Variants in CSGALNACT1 observed in about 807,000 individuals in gnomAD.
The protein encoded by CSGALNACT1 is chondroitin sulfate N-acetylgalactosaminyltransferase 1.
In CSGALNACT1, 52 loss-of-function variants were observed where a neutral mutation model predicts 51.0. The observed-to-expected ratio is 1.02, with a 90% CI of 0.82 to 1.29. CSGALNACT1 has a LOEUF of 1.29. Ranked by LOEUF, CSGALNACT1 falls within the 50% of genes most tolerant of loss-of-function variation. CSGALNACT1 has a pLI of 0.00. For synonymous variants in CSGALNACT1, 341 were observed against 254.4 expected (o/e 1.34, Z -3.24); for missense variants, 935 against 679.2 (o/e 1.38, Z -4.19).
intron 1 of CSGALNACT1, among the ~76,000 whole-genome samples, chr8:19,715,149 A>G (rs2062732227): frequency 6.6e-6 from 1 of 152,182 alleles, no homozygotes; most frequent in African/African-American, 2.4e-5. Flanking sequence ...GGAAGATGCA[A>G]AAGTGGAAAC....
At chr8:19,755,456 C>CAAAAAACAAAAAAAAAAA (rs2065299633) in intron 1 of CSGALNACT1, among the ~76,000 whole-genome samples, 1 of 74,534 alleles carries the variant, frequency 1.3e-5, no homozygotes, top group Non-Finnish European at 2.5e-5. Flanking sequence ...TAAAGAAAGA[C>CAAAAAACAAAAAAAAAAA]AAAAAAAAAA....
chr8:19,462,534 G>C (rs1214600542), intron 4 of CSGALNACT1, among the ~76,000 whole-genome samples: 2 of 152,164 alleles, frequency 1.3e-5, no homozygotes, highest in African/African-American at 2.4e-5. Context: ...TATGAATACA[G>C]AATGCCAGCT....
intron 3 of CSGALNACT1, among the ~76,000 whole-genome samples, chr8:19,558,953 CT>C (rs1268982885): frequency 6.6e-6 from 1 of 152,140 alleles, no homozygotes; most frequent in Non-Finnish European, 1.5e-5. Context: ...ATAATTTGAA[CT>C]TTCCCAAAGG....
chr8:19,587,840 A>C (rs770342976), intron 3 of CSGALNACT1: 1 of 152,114 alleles, frequency 6.6e-6, no homozygotes, highest in Non-Finnish European at 1.5e-5. Flanking sequence ...ACAAGTAATA[A>C]ACTTCCAGCT....
rs573178050 is a variant in CSGALNACT1, at chr8:19,642,033, T to C, written c.-543-40168A>G. On this transcript the variant is annotated intron_variant, in intron 1 of 9. Coordinates refer to the CSGALNACT1 transcript ENST00000332246. ...CCTGATGTCTGTGTCTAACTGGACATCAGTTAGGAAGAGTACTGAAAACTA... is the reference window on the plus strand; with the variant it reads ...CCTGATGTCTGTGTCTAACTGGACACCAGTTAGGAAGAGTACTGAAAACTA... 7 of 152,308 alleles carry C rather than the reference T, an allele frequency of 4.6e-5. No homozygotes were observed. The South Asian group carries it at 1.2e-3, about 27-fold the overall frequency. 9.4% of individuals were successfully genotyped at this position (152,308 alleles called of 1,614,324 possible).
intron 3 of CSGALNACT1, among the ~76,000 whole-genome samples, chr8:19,553,288 A>T (rs1053051419): frequency 6.6e-6 from 1 of 152,152 alleles, no homozygotes; most frequent in East Asian, 1.9e-4. Flanking sequence ...TAAAATTGAA[A>T]AAAACCTTCT....
chr8:19,685,496 C>T (rs1444237397), upstream of CSGALNACT1, among the ~76,000 whole-genome samples: 1 of 152,084 alleles, frequency 6.6e-6, no homozygotes, highest in African/African-American at 2.4e-5. Context: ...AAAAACAAAA[C>T]AAGAAACAAA....
chr8:19,442,885 G>C (rs913000367), intron 5 of CSGALNACT1, among the ~76,000 whole-genome samples: 3 of 152,150 alleles, frequency 2.0e-5, no homozygotes, highest in Non-Finnish European at 4.4e-5. Context: ...GGACTCTAGA[G>C]TGCCTTGGAA....
intron 3 of CSGALNACT1, among the ~76,000 whole-genome samples, chr8:19,587,466 C>G (rs1228780963): frequency 2.0e-5 from 3 of 152,140 alleles, no homozygotes; most frequent in Non-Finnish European, 4.4e-5. Context: ...GGATGGGGCT[C>G]CAAACATCTC....
chr8:19,503,389 C>T (rs1385483886), intron 4 of CSGALNACT1, among the ~76,000 whole-genome samples: 3 of 152,100 alleles, frequency 2.0e-5, no homozygotes, highest in East Asian at 1.9e-4. Flanking sequence ...GAAAGATAGG[C>T]CTTACGTGTT....
chr8:19,545,564 A>G (rs570031760), intron 3 of CSGALNACT1, among the ~76,000 whole-genome samples: 11 of 152,164 alleles, frequency 7.2e-5, no homozygotes, highest in Middle Eastern at 3.4e-3. Flanking sequence ...TTCCTCCTCA[A>G]TGCCTAGTAT....
intron 4 of CSGALNACT1, among the ~76,000 whole-genome samples, chr8:19,465,699 T>A (rs969100367): frequency 6.6e-6 from 1 of 152,200 alleles, no homozygotes; most frequent in African/African-American, 2.4e-5. Context: ...TTAAACTCTC[T>A]TCCTAAACTA....
chr8:19,663,075 T>G (rs563221320), intron 1 of CSGALNACT1, among the ~76,000 whole-genome samples: 4 of 152,170 alleles, frequency 2.6e-5, no homozygotes, highest in Non-Finnish European at 1.5e-5. Flanking sequence ...ATCTATTGCG[T>G]TCCTCATTAG....
intron 4 of CSGALNACT1, among the ~76,000 whole-genome samples, chr8:19,470,713 C>T (rs985211735): frequency 2.6e-5 from 4 of 151,988 alleles, no homozygotes; most frequent in African/African-American, 7.3e-5. Flanking sequence ...ACAGAGAGGC[C>T]ACTTCCTGAT....
At chr8:19,419,201 A>G (rs1206526298) in intron 7 of CSGALNACT1, among the ~76,000 whole-genome samples, 1 of 152,202 alleles carries the variant, frequency 6.6e-6, no homozygotes, top group African/African-American at 2.4e-5. Flanking sequence ...TTAGAAGTGC[A>G]GCACCAAGTG....
chr8:19,595,447 TA>T (rs1220789827), intron 2 of CSGALNACT1, among the ~76,000 whole-genome samples: 1 of 152,224 alleles, frequency 6.6e-6, no homozygotes, highest in Non-Finnish European at 1.5e-5. Flanking sequence ...AACTCTTTAT[TA>T]AAACATTTAA....
intron 6 of CSGALNACT1, among the ~76,000 whole-genome samples, chr8:19,430,790 C>A (rs977187517): frequency 2.6e-5 from 4 of 152,102 alleles, no homozygotes; most frequent in Non-Finnish European, 5.9e-5. Flanking sequence ...TGACTGAGTA[C>A]TGTCATTTGA....
chr8:19,493,326 A>G (rs923406073), intron 4 of CSGALNACT1, among the ~76,000 whole-genome samples: 4 of 152,136 alleles, frequency 2.6e-5, no homozygotes, highest in Non-Finnish European at 5.9e-5. Context: ...TGTGTTATTT[A>G]TTTATTGAGT....
intron 1 of CSGALNACT1, among the ~76,000 whole-genome samples, chr8:19,651,021 G>C (rs990989000): frequency 1.3e-5 from 2 of 152,172 alleles, no homozygotes; most frequent in African/African-American, 4.8e-5. Context: ...GATTAGCATG[G>C]AGGTGCGGTC....
Sources: gnomAD v4.1 joint callset for allele counts (sites outside exome capture counted in the v4.1 genomes callset) on GRCh38, gnomAD v4.1.1 for gene constraint, MANE v1.5 for transcripts, NCBI Gene and HGNC (gene_info 2026-07-23, HGNC 2026-07-21) for gene names.